Variants in PCDHA3 observed in about 807,000 individuals in gnomAD.
PCDHA3 encodes the protein protocadherin alpha 3, also known as protocadherin alpha-3.
In PCDHA3, 41 loss-of-function variants were observed where a neutral mutation model predicts 62.2. That is an observed-to-expected ratio of 0.66 (90% confidence interval 0.51 to 0.86). The LOEUF (loss-of-function observed/expected upper bound fraction) is 0.86. Ranked by LOEUF, PCDHA3 falls within the 40% of genes least tolerant of loss-of-function variation. PCDHA3 has a pLI of 0.00. For synonymous variants in PCDHA3, 640 were observed against 555.4 expected (o/e 1.15, Z -2.14); for missense variants, 1,304 against 1,241.2 (o/e 1.05, Z -0.76).
At chr5:140,862,665 G>A (rs1437192786) in intron 1 of PCDHA3, 12 of 547,492 alleles carry the variant, frequency 2.2e-5, no homozygotes, top group Admixed American at 9.6e-5. Flanking sequence ...ACCGGGACGC[G>A]CAGGAGAACG....
At chr5:140,922,858 G>C (rs1363202579) in intron 1 of PCDHA3, among the ~76,000 whole-genome samples, 1 of 152,124 alleles carries the variant, frequency 6.6e-6, no homozygotes, top group Non-Finnish European at 1.5e-5. Flanking sequence ...CAAATACATA[G>C]ACAAGGGGAA....
intron 1 of PCDHA3, chr5:140,927,902 C>T (rs782319959): frequency 1.5e-5 from 25 of 1,614,182 alleles, no homozygotes; most frequent in Non-Finnish European, 2.1e-5. Flanking sequence ...AACGATCATG[C>T]CCCCGAACTG....
chr5:140,865,075 C>T (rs1441744566), intron 1 of PCDHA3: 2 of 152,110 alleles, frequency 1.3e-5, no homozygotes, highest in African/African-American at 4.8e-5. Flanking sequence ...AGTATAAGAA[C>T]CATGGGATAT....
chr5:140,969,184 C>A (rs1381646688), intron 1 of PCDHA3: 1 of 1,613,998 alleles, frequency 6.2e-7, no homozygotes, highest in Non-Finnish European at 8.5e-7. Flanking sequence ...GTGACACTTT[C>A]ATGTTTTACA....
intron 1 of PCDHA3, among the ~76,000 whole-genome samples, chr5:140,946,530 C>T (rs2093957873): frequency 6.6e-6 from 1 of 150,514 alleles, no homozygotes; most frequent in African/African-American, 2.5e-5. Context: ...CTCCCATGTT[C>T]ATTGCAGCAT....
At chr5:141,000,398 T>TAA in intron 3 of PCDHA3, among the ~76,000 whole-genome samples, 1 of 55,032 alleles carries the variant, frequency 1.8e-5, no homozygotes, top group African/African-American at 7.5e-5. Flanking sequence ...TCTCTCTCTA[T>TAA]ATATATATAT....
chr5:140,883,075 T>A (rs969917261), intron 1 of PCDHA3: 8 of 1,614,134 alleles, frequency 5.0e-6, no homozygotes, highest in Non-Finnish European at 6.8e-6. Flanking sequence ...CCACAGATCC[T>A]GATGATGGTA....
At chr5:140,968,639 GC>G in intron 1 of PCDHA3, 1 of 1,614,150 alleles carries the variant, frequency 6.2e-7, no homozygotes, top group Non-Finnish European at 8.5e-7. Context: ...TTACCATCTA[GC>G]CCAGACTTCT....
At chr5:140,848,355 C>A in intron 1 of PCDHA3, 1 of 1,031,242 alleles carries the variant, frequency 9.7e-7, no homozygotes, top group Non-Finnish European at 1.4e-6. Context: ...GCCCTTTTCC[C>A]ATGGGAAAGA....
chr5:140,896,687 T>G (rs782089227), intron 1 of PCDHA3, among the ~76,000 whole-genome samples: 2 of 152,170 alleles, frequency 1.3e-5, no homozygotes, highest in Non-Finnish European at 2.9e-5. Context: ...CTTTGCCCAT[T>G]TTTTGATGAG....
Position 140,802,457 on chromosome 5 carries a change from C to A in PCDHA3, c.1260C>A (p.Ala420=). ...DSPLDRESVS[A]YELVVTARDG... is the part of the protein sequence containing the mutation. ...CTCTGGACCGCGAGAGCGTGTCGGC[C>A]TATGAGCTGGTGGTGACTGCTCGGG... Residue 420 remains alanine, a synonymous_variant, in exon 1 of 4, where the codon GCC becomes GCA. Coordinates refer to ENST00000522353, the MANE Select transcript of PCDHA3 (RefSeq NM_018906.3). 2 of 1,614,226 alleles carry A rather than the reference C, an allele frequency of 1.2e-6. No individual in the cohort carries two copies. The highest frequency in any genetic ancestry group is 1.7e-6 in the Non-Finnish European group (2 of 1,180,040).
intron 1 of PCDHA3, chr5:140,853,687 T>C (rs1025605569): frequency 3.0e-6 from 3 of 988,362 alleles, no homozygotes; most frequent in African/African-American, 3.5e-5. Context: ...AACCTATCCT[T>C]AGACCTGCTA....
At chr5:140,928,851 T>G (rs1554206396) in intron 1 of PCDHA3, 1 of 1,614,192 alleles carries the variant, frequency 6.2e-7, no homozygotes, top group Non-Finnish European at 8.5e-7. Flanking sequence ...TCACTCTGGG[T>G]GTGCTGTTGA....
chr5:140,998,243 C>T (rs1554256209), intron 3 of PCDHA3, among the ~76,000 whole-genome samples: 1 of 152,164 alleles, frequency 6.6e-6, no homozygotes, highest in Non-Finnish European at 1.5e-5. Context: ...CATTATTATA[C>T]TCATTTTACT....
intron 1 of PCDHA3, chr5:140,805,119 C>T (rs1763512854): frequency 6.3e-7 from 1 of 1,586,506 alleles, no homozygotes; most frequent in Admixed American, 1.7e-5. Flanking sequence ...TAACAAGACT[C>T]TTGGCAAAGA....
In PCDHA3 at chr5:140,856,006, T is replaced by C. The variant is rs782149074; in HGVS notation, c.2394+52415T>C. ...AAAATGTCAGATCGTATGTGCGTTC[T>C]AGACCGCTGATTCGTCGATTTGTAA... is the stretch of plus-strand genomic sequence containing the variant. On this transcript the variant is annotated intron_variant, in intron 1 of 3. Coordinates refer to ENST00000522353, the MANE Select transcript of PCDHA3 (RefSeq NM_018906.3). The C allele has an allele frequency of 9.1e-6, 14 of 1,540,444 alleles. No individual in the cohort carries two copies. The African/African-American group carries it at 1.4e-4, about 15-fold the overall frequency.
chr5:140,872,164 TC>T (rs1346109895), intron 1 of PCDHA3, among the ~76,000 whole-genome samples: 1 of 151,498 alleles, frequency 6.6e-6, no homozygotes, highest in Non-Finnish European at 1.5e-5. Context: ...GATTTACTTT[TC>T]TTTTTTTTTT....
rs57893927 is a variant in PCDHA3, at chr5:140,946,631, T to TATATATATATATATATATATATAC, written c.2395-32317_2395-32316insTATATATATATATATATATATACA. Among the ~76,000 whole-genome samples the TATATATATATATATATATATATAC allele has an allele frequency of 2.6e-3, 340 of 131,752 alleles. 23 individuals carry two copies. The highest frequency in any genetic ancestry group is 0.011 in the African/African-American group (303 of 28,632). The allele number at this position is 131,752 out of a possible 152,430, so 86.4% of individuals were successfully genotyped here. On this transcript the variant is annotated intron_variant, in intron 1 of 3. Transcript: ENST00000522353. ...TGTGAAATATATATATATATATATA[T>TATATATATATATATATATATATAC]ACAATGGAATACTCATCAGCCATTA...
At chr5:140,918,241 G>C (rs1241592397) in intron 1 of PCDHA3, among the ~76,000 whole-genome samples, 4 of 152,162 alleles carry the variant, frequency 2.6e-5, no homozygotes, top group Admixed American at 1.3e-4. Flanking sequence ...CATTGATTTT[G>C]TATGCTGAAA....
Sources: gnomAD v4.1 joint callset for allele counts (sites outside exome capture counted in the v4.1 genomes callset) on GRCh38, gnomAD v4.1.1 for gene constraint, MANE v1.5 for transcripts, NCBI Gene and HGNC (gene_info 2026-07-23, HGNC 2026-07-21) for gene names.